The following PHACTR4 variants were observed in gnomAD, a reference collection of about 807,000 sequenced individuals.
PHACTR4 encodes protein phosphatase 1, regulatory subunit 124.
A neutral mutation model predicts 72.7 loss-of-function variants in PHACTR4; 51 were observed. The ratio of observed to expected loss-of-function variants is 0.70; its 90% CI spans 0.56 to 0.89. The LOEUF (loss-of-function observed/expected upper bound fraction) is 0.89. Among genes scored for constraint, PHACTR4 ranks in the 40% least tolerant of loss-of-function variants. PHACTR4 has a pLI of 0.00. For missense variants in PHACTR4, 731 were observed against 861.8 expected (o/e 0.85, Z 1.90); for synonymous variants, 255 against 302.5 (o/e 0.84, Z 1.63).
At chr1:28,436,982 G>A (rs1191780336) in intron 2 of PHACTR4, among the ~76,000 whole-genome samples, 1 of 152,090 alleles carries the variant, frequency 6.6e-6, no homozygotes, top group Non-Finnish European at 1.5e-5. Context: ...TTCGTTTATT[G>A]TTTTAGTAAG....
intron 9 of PHACTR4, among the ~76,000 whole-genome samples, chr1:28,484,290 C>T (rs1309191819): frequency 6.6e-6 from 1 of 152,050 alleles, no homozygotes; most frequent in African/African-American, 2.4e-5. Flanking sequence ...CATGGCACTC[C>T]AGTCTGGACG....
chr1:28,385,619 T>A (rs1165345825), intron 1 of PHACTR4, among the ~76,000 whole-genome samples: 2 of 150,170 alleles, frequency 1.3e-5, no homozygotes, highest in Non-Finnish European at 3.0e-5. Flanking sequence ...AGTGAATTTT[T>A]TTTTTTTTTT....
At chr1:28,478,659 T>C (rs1257340039) in intron 8 of PHACTR4, among the ~76,000 whole-genome samples, 1 of 152,166 alleles carries the variant, frequency 6.6e-6, no homozygotes, top group Non-Finnish European at 1.5e-5. Context: ...TTTCACCATA[T>C]TGGCTGGGAT....
chr1:28,458,797 A>G (rs1658590846), intron 2 of PHACTR4, among the ~76,000 whole-genome samples: 1 of 152,206 alleles, frequency 6.6e-6, no homozygotes, highest in African/African-American at 2.4e-5. Flanking sequence ...CACATTTTGT[A>G]TACATGCGCC....
intron 2 of PHACTR4, among the ~76,000 whole-genome samples, chr1:28,419,491 T>TAC (rs1252899080): frequency 2.0e-5 from 3 of 151,896 alleles, no homozygotes; most frequent in Admixed American, 6.6e-5. Context: ...TGTGTATATA[T>TAC]ACACACACAC....
chr1:28,493,883 C>T (rs757224332), intron 13 of PHACTR4, among the ~76,000 whole-genome samples: 1 of 152,182 alleles, frequency 6.6e-6, no homozygotes, highest in Non-Finnish European at 1.5e-5. Context: ...GTATAAACAA[C>T]ATTTTAATTA....
At chr1:28,465,287 C>T (rs1659071226) in intron 4 of PHACTR4, among the ~76,000 whole-genome samples, 1 of 152,010 alleles carries the variant, frequency 6.6e-6, no homozygotes, top group African/African-American at 2.4e-5. Context: ...CGGTGAAACC[C>T]CGTCTCCACT....
intron 2 of PHACTR4, 148 bp downstream of exon 2, chr1:28,407,611 A>G (rs1654450643): frequency 1.9e-6 from 1 of 537,098 alleles, no homozygotes; most frequent in Admixed American, 3.7e-5. Flanking sequence ...TTCTATAAGA[A>G]TTCAGTTATA....
At chr1:28,405,699 T>G (rs1409869492) in intron 1 of PHACTR4, among the ~76,000 whole-genome samples, 2 of 151,580 alleles carry the variant, frequency 1.3e-5, no homozygotes, top group African/African-American at 2.4e-5. Context: ...GAGACCAGCC[T>G]GGCCAACATG....
chr1:28,467,186 C>G (rs1296543270), intron 6 of PHACTR4: 1 of 155,258 alleles, frequency 6.4e-6, no homozygotes, highest in African/African-American at 2.4e-5. Flanking sequence ...GCACCCCAGC[C>G]TAGGCGACAG....
intron 2 of PHACTR4, among the ~76,000 whole-genome samples, chr1:28,422,238 C>T (rs1655555137): frequency 6.6e-6 from 1 of 152,110 alleles, no homozygotes; most frequent in South Asian, 2.1e-4. Flanking sequence ...GGTTTCACAT[C>T]CATGGATTTA....
intron 12 of PHACTR4, 31 bp downstream of exon 12, chr1:28,491,818 CTCTT>C: frequency 6.3e-7 from 1 of 1,598,272 alleles, no homozygotes; most frequent in African/African-American, 1.4e-5. Flanking sequence ...TGCTTTTTTT[CTCTT>C]TCTCTTTTTC....
chr1:28,373,515 C>T (rs1046849713), intron 1 of PHACTR4, among the ~76,000 whole-genome samples: 2 of 152,150 alleles, frequency 1.3e-5, no homozygotes, highest in Admixed American at 6.6e-5. Flanking sequence ...GTCTTGAACT[C>T]CTGACCTCAG....
At position 28,466,848 on chromosome 1, in the gene PHACTR4, AT is replaced by A. The variant is rs1659212619; in HGVS notation, c.823+82del. ...TATTTTATTTGATAACTGGTACAAC[AT>A]TGATTTGGTCTGTGAGAATTTTCCA... is the stretch of plus-strand genomic sequence containing the variant. On this transcript the variant is annotated intron_variant, in intron 6 of 13. Transcript: ENST00000373839. 48 of 1,503,204 alleles carry A rather than the reference AT, an allele frequency of 3.2e-5. No individual in the cohort carries two copies. The South Asian group carries it at 6.1e-4, about 19-fold the overall frequency. 93.1% of individuals were successfully genotyped at this position (1,503,204 alleles called of 1,614,324 possible).
chr1:28,429,361 A>G (rs1390158408), intron 2 of PHACTR4, among the ~76,000 whole-genome samples: 3 of 152,312 alleles, frequency 2.0e-5, no homozygotes, highest in Admixed American at 1.3e-4. Context: ...ACATGAACAT[A>G]CCATTTTTTC....
At chr1:28,431,482 C>T (rs1474193673) in intron 2 of PHACTR4, among the ~76,000 whole-genome samples, 3 of 151,398 alleles carry the variant, frequency 2.0e-5, no homozygotes, top group Non-Finnish European at 2.9e-5. Flanking sequence ...CGTGAGCCAC[C>T]GCACCAGCCA....
intron 2 of PHACTR4, among the ~76,000 whole-genome samples, chr1:28,425,411 C>T (rs1655776307): frequency 6.6e-6 from 1 of 152,232 alleles, no homozygotes; most frequent in Non-Finnish European, 1.5e-5. Flanking sequence ...GCCACCAAGC[C>T]TGACCACAAC....
intron 2 of PHACTR4, among the ~76,000 whole-genome samples, chr1:28,440,339 T>A: frequency 7.0e-6 from 1 of 141,928 alleles, no homozygotes. Context: ...TTCATCTGAG[T>A]AACGTTTGGT....
At chr1:28,391,599 CT>C (rs751801605) in intron 1 of PHACTR4, among the ~76,000 whole-genome samples, 1,344 of 98,788 alleles carry the variant, frequency 0.014, 13 homozygotes, top group African/African-American at 0.049. Flanking sequence ...AAAATATATT[CT>C]TTTTTTTTTT....
Sources: allele counts gnomAD v4.1 joint callset (sites outside exome capture counted in the v4.1 genomes callset), GRCh38; gene constraint gnomAD v4.1.1; transcripts MANE v1.5; gene names NCBI Gene and HGNC (gene_info 2026-07-23, HGNC 2026-07-21).